Variants in CREB5 observed in about 807,000 individuals in gnomAD.
The protein encoded by CREB5 is cyclic AMP-responsive element-binding protein 5.
A neutral mutation model predicts 57.1 loss-of-function variants in CREB5; 19 were observed. The observed-to-expected ratio is 0.33, with a 90% confidence interval of 0.23 to 0.49. The LOEUF (loss-of-function observed/expected upper bound fraction) is 0.49. CREB5 is among the 20% of genes least tolerant of loss of function. The pLI, the probability that CREB5 is intolerant of heterozygous loss-of-function variation, is 0.99. For missense variants in CREB5, 579 were observed against 671.6 expected (o/e 0.86, Z 1.52); for synonymous variants, 238 against 238.3 (o/e 1.00, Z 0.01).
chr7:28,703,400 A>C (rs1348475278), intron 5 of CREB5, among the ~76,000 whole-genome samples: 1 of 152,164 alleles, frequency 6.6e-6, no homozygotes, highest in Non-Finnish European at 1.5e-5. Flanking sequence ...AGGAAATATG[A>C]GGGGAAAGAT....
intron 1 of CREB5, among the ~76,000 whole-genome samples, chr7:28,432,034 C>T (rs1298377314): frequency 7.1e-6 from 1 of 141,716 alleles, no homozygotes; most frequent in East Asian, 2.1e-4. Flanking sequence ...ATCGAATTAG[C>T]TATATTGCAG....
Position 28,412,590 on chromosome 7 carries a change from A to G in CREB5, c.-325A>G, listed in dbSNP as rs1787847763. 1 of 247,442 alleles carries G rather than the reference A, an allele frequency of 4.0e-6. No homozygotes were observed. The highest frequency in any genetic ancestry group is 1.7e-4 in the South Asian group (1 of 5,802). The allele number at this position is 247,442 out of a possible 1,614,324, so 15.3% of individuals were successfully genotyped here. On this transcript the variant is annotated 5_prime_UTR_variant, in exon 1 of 11. Coordinates refer to ENST00000357727, the MANE Select transcript of CREB5 (RefSeq NM_182898.4). Reference sequence around the variant, plus strand: ...TAGACAGTTCCACAAATTTTTAGTCACATTTTCCATGTCAGTTAAATCTAG... The same window carrying G: ...TAGACAGTTCCACAAATTTTTAGTCGCATTTTCCATGTCAGTTAAATCTAG...
At chr7:28,360,450 A>C (rs531794167) in intron 1 of CREB5, among the ~76,000 whole-genome samples, 1 of 152,346 alleles carries the variant, frequency 6.6e-6, no homozygotes, top group African/African-American at 2.4e-5. Context: ...TGGTAAGTGA[A>C]ATAAGCCAGG....
chr7:28,523,719 C>G (rs1188320482), intron 4 of CREB5, among the ~76,000 whole-genome samples: 2 of 152,226 alleles, frequency 1.3e-5, no homozygotes, highest in African/African-American at 4.8e-5. Flanking sequence ...CAGTTATTTC[C>G]TCTTGCAAGG....
chr7:28,633,369 A>ATGTG (rs3041195), intron 5 of CREB5, among the ~76,000 whole-genome samples: 6 of 150,874 alleles, frequency 4.0e-5, no homozygotes, highest in East Asian at 3.9e-4. Flanking sequence ...TCAATCATTC[A>ATGTG]TGTGTGTGTG....
intron 5 of CREB5, among the ~76,000 whole-genome samples, chr7:28,717,208 G>A (rs182607415): frequency 3.4e-5 from 5 of 149,232 alleles, no homozygotes; most frequent in Admixed American, 2.0e-4. Context: ...ACAGACGTGC[G>A]CCACCACGCC....
At chr7:28,402,244 C>G (rs909233813) in intron 1 of CREB5, among the ~76,000 whole-genome samples, 1 of 152,152 alleles carries the variant, frequency 6.6e-6, no homozygotes, top group Non-Finnish European at 1.5e-5. Context: ...CCTTCACCCA[C>G]TTTTTGATGG....
intron 5 of CREB5, among the ~76,000 whole-genome samples, chr7:28,590,681 A>C (rs1286843576): frequency 1.2e-5 from 1 of 85,178 alleles, no homozygotes; most frequent in East Asian, 3.8e-4. Flanking sequence ...GTATAATAAT[A>C]ATAATAATAA....
At chr7:28,757,191 T>C (rs1464165871) in intron 7 of CREB5, among the ~76,000 whole-genome samples, 1 of 152,226 alleles carries the variant, frequency 6.6e-6, no homozygotes, top group Non-Finnish European at 1.5e-5. Context: ...CATCTGCTAA[T>C]ACCATTCTTA....
At chr7:28,738,875 G>C (rs1056964948) in intron 7 of CREB5, among the ~76,000 whole-genome samples, 1 of 152,144 alleles carries the variant, frequency 6.6e-6, no homozygotes, top group African/African-American at 2.4e-5. Context: ...TGAGCAATCA[G>C]TTCATTCATT....
chr7:28,318,028 C>T (rs1785413843), intron 1 of CREB5, among the ~76,000 whole-genome samples: 1 of 152,164 alleles, frequency 6.6e-6, no homozygotes, highest in South Asian at 2.1e-4. Context: ...AATACCAAAA[C>T]AATATTCCCA....
chr7:28,577,974 A>G (rs1020840378), intron 5 of CREB5, among the ~76,000 whole-genome samples: 2 of 152,236 alleles, frequency 1.3e-5, no homozygotes, highest in Non-Finnish European at 2.9e-5. Flanking sequence ...AATAGTAAAC[A>G]TGTAAAACAA....
chr7:28,334,701 G>A (rs1318424538), intron 1 of CREB5, among the ~76,000 whole-genome samples: 1 of 152,096 alleles, frequency 6.6e-6, no homozygotes, highest in African/African-American at 2.4e-5. Flanking sequence ...TTTTAAACTT[G>A]TGATCCCCAT....
At chr7:28,414,687 C>A (rs573125727) in intron 1 of CREB5, among the ~76,000 whole-genome samples, 20 of 152,214 alleles carry the variant, frequency 1.3e-4, no homozygotes, top group South Asian at 2.1e-4. Flanking sequence ...AGAATTATTA[C>A]ATTTCGTAAT....
At chr7:28,466,311 CT>C (rs1169336512) in intron 1 of CREB5, among the ~76,000 whole-genome samples, 1 of 150,070 alleles carries the variant, frequency 6.7e-6, no homozygotes, top group Non-Finnish European at 1.5e-5. Context: ...TGTCCTATCT[CT>C]CATCTGCTGC....
chr7:28,641,024 G>A (rs115011053), intron 5 of CREB5, among the ~76,000 whole-genome samples: 374 of 152,294 alleles, frequency 2.5e-3, no homozygotes, highest in African/African-American at 8.6e-3. Flanking sequence ...AAATGATTGA[G>A]TGTCATCCTG....
At chr7:28,563,889 CTCCTCT>C (rs1158631164) in intron 4 of CREB5, among the ~76,000 whole-genome samples, 1 of 152,078 alleles carries the variant, frequency 6.6e-6, no homozygotes, top group Admixed American at 6.6e-5. Context: ...CCCTGGTGCC[CTCCTCT>C]ACTCCATGTG....
chr7:28,543,502 C>G (rs1273414879), intron 4 of CREB5, among the ~76,000 whole-genome samples: 1 of 143,906 alleles, frequency 6.9e-6, no homozygotes, highest in Non-Finnish European at 1.5e-5. Context: ...CATATCATTA[C>G]AAGTAGCTTT....
intron 1 of CREB5, among the ~76,000 whole-genome samples, chr7:28,339,509 G>T (rs1479764768): frequency 2.6e-5 from 4 of 152,112 alleles, no homozygotes; most frequent in Admixed American, 2.6e-4. Flanking sequence ...TATGGGCTGA[G>T]CTGCCTGGAG....
Sources: allele counts gnomAD v4.1 joint callset (sites outside exome capture counted in the v4.1 genomes callset), GRCh38; gene constraint gnomAD v4.1.1; transcripts MANE v1.5; gene names NCBI Gene and HGNC (gene_info 2026-07-23, HGNC 2026-07-21).